Variants in OSER1 observed in about 807,000 individuals in gnomAD.
The protein encoded by OSER1 is oxidative stress-responsive serine-rich protein 1.
Under a neutral mutation model 26.3 loss-of-function variants are expected in OSER1, and 15 were observed. The observed-to-expected ratio is 0.57, with a 90% confidence interval of 0.38 to 0.88. OSER1 has a LOEUF of 0.88. Among genes scored for constraint, OSER1 ranks in the 40% least tolerant of loss-of-function variants. The pLI is 0.00. For synonymous variants in OSER1, 127 were observed against 128.2 expected, an observed-to-expected ratio of 0.99 and a Z score of 0.07; for missense variants, 313 against 353.9, an observed-to-expected ratio of 0.88 and a Z score of 0.93.
At position 44,196,876 on chromosome 20, in the gene OSER1, AAG is replaced by A; in HGVS notation, c.*174_*175del. The A allele has an allele frequency of 3.4e-6, 2 of 581,810 alleles. No homozygotes were observed. Among genetic ancestry groups the A allele is most frequent in the South Asian group, 2.1e-5 (1 of 46,768 alleles). 36.0% of individuals were successfully genotyped at this position (581,810 alleles called of 1,614,324 possible). ...CGCCTTGAAGTGTATGTAAGAACTC[AAG>A]AGAGTAAGTTGAAAGAATGAAGATT... On this transcript the variant is annotated 3_prime_UTR_variant, in exon 4 of 4. Coordinates refer to ENST00000255174, the MANE Select transcript of OSER1 (RefSeq NM_016470.8).
Position 44,197,019 on chromosome 20 carries a change from T to A in OSER1, c.*33A>T. The A allele has an allele frequency of 6.8e-7, 1 of 1,462,972 alleles. No individual in the cohort carries two copies. The highest frequency in any genetic ancestry group is 9.5e-7 in the Non-Finnish European group (1 of 1,048,962). The allele number at this position is 1,462,972 out of a possible 1,614,324, so 90.6% of individuals were successfully genotyped here. A position where few individuals can be genotyped will look rare whatever the true frequency, so the allele number is the denominator to read the frequency against. On this transcript the variant is annotated 3_prime_UTR_variant, in exon 4 of 4. Coordinates refer to ENST00000255174, the MANE Select transcript of OSER1 (RefSeq NM_016470.8). ...ACTAAATCTCTTTGACAAGCCTTCA[T>A]TGGTTTAAAGCATATGAATTAGCTT...
intron 3 of OSER1, among the ~76,000 whole-genome samples, chr20:44,202,655 G>A (rs2072995083): frequency 6.6e-6 from 1 of 152,006 alleles, no homozygotes; most frequent in East Asian, 1.9e-4. Flanking sequence ...AAGTCAAGTT[G>A]ACCAAAAAAT....
upstream of OSER1, among the ~76,000 whole-genome samples, chr20:44,211,622 T>G (rs893807443): frequency 2.6e-5 from 4 of 152,174 alleles, no homozygotes; most frequent in African/African-American, 7.2e-5. Flanking sequence ...GCAAAAAGAT[T>G]TAGGCAGTTC....
At chr20:44,207,604 GTAAT>G (rs1239450193) in intron 1 of OSER1, 1 of 152,106 alleles carries the variant, frequency 6.6e-6, no homozygotes, top group Non-Finnish European at 1.5e-5. Context: ...CTGGAATAGT[GTAAT>G]TAATTGTTAA....
At chr20:44,202,480 A>G (rs1406388589) in intron 3 of OSER1, among the ~76,000 whole-genome samples, 8 of 152,244 alleles carry the variant, frequency 5.3e-5, no homozygotes, top group African/African-American at 1.9e-4. Context: ...ATGTCACTAC[A>G]TAATAAAAGT....
At chr20:44,204,061 G>A (rs2073015237) in intron 2 of OSER1, among the ~76,000 whole-genome samples, 1 of 152,132 alleles carries the variant, frequency 6.6e-6, no homozygotes, top group Non-Finnish European at 1.5e-5. Context: ...TGAACCAGTG[G>A]TCTAGATGTT....
In OSER1 at chr20:44,196,116, C is replaced by G. The variant is rs113220625; in HGVS notation, c.*936G>C. ...CAAGGATTCATCATCCAGCTGAAAC[C>G]GAAGACAGATTTTTTTTTTACCAAA... On this transcript the variant is annotated 3_prime_UTR_variant, in exon 4 of 4. Transcript: ENST00000255174. Among the ~76,000 whole-genome samples the G allele has an allele frequency of 9.2e-3, 1,406 of 152,024 alleles. 19 individuals carry two copies. The highest frequency in any genetic ancestry group is 0.033 in the African/African-American group (1,351 of 41,444).
intron 3 of OSER1, among the ~76,000 whole-genome samples, chr20:44,198,610 C>G (rs2072948363): frequency 6.7e-6 from 1 of 150,302 alleles, no homozygotes. Context: ...CAGAGCGAGA[C>G]TCCGTCTCAA....
In OSER1 at chr20:44,196,306, AAAAAAACC is replaced by A. The variant is rs1353495093; in HGVS notation, c.*738_*745del. 2.1e-5 allele frequency among the ~76,000 whole-genome samples: 3 copies of A among 140,146 alleles called. No individual in the cohort carries two copies. Among genetic ancestry groups the A allele is most frequent in the African/African-American group, 9.2e-5 (3 of 32,544 alleles). 91.9% of individuals were successfully genotyped at this position (140,146 alleles called of 152,430 possible). On this transcript the variant is annotated 3_prime_UTR_variant, in exon 4 of 4. Coordinates refer to ENST00000255174, the MANE Select transcript of OSER1 (RefSeq NM_016470.8). The stretch of plus-strand genomic sequence containing the variant: ...TTACAACTGATAACAAAAAAAAAAA[AAAAAAACC>A]GCCATATATTTAAAATGCTGGAGAT...
At chr20:44,205,182 C>T (rs1413340152) in intron 2 of OSER1, among the ~76,000 whole-genome samples, 4 of 152,122 alleles carry the variant, frequency 2.6e-5, no homozygotes, top group Admixed American at 1.3e-4. Flanking sequence ...GAAAGAAGTC[C>T]GTGTATCAAG....
chr20:44,196,584 A>G lies in OSER1; in HGVS notation c.*468T>C. The G allele has an allele frequency of 6.3e-6, 1 of 159,232 alleles. No individual in the cohort carries two copies. Among genetic ancestry groups the G allele is most frequent in the Admixed American group, 5.9e-5 (1 of 16,916 alleles). 9.9% of individuals were successfully genotyped at this position (159,232 alleles called of 1,614,324 possible). On this transcript the variant is annotated 3_prime_UTR_variant, in exon 4 of 4. Coordinates refer to ENST00000255174, the MANE Select transcript of OSER1 (RefSeq NM_016470.8). Reference sequence around the variant, plus strand: ...AACAAGAGAAACCTTTATAGACACAATATATCTTGCATTAAATCAGAGACG... The same window carrying G: ...AACAAGAGAAACCTTTATAGACACAGTATATCTTGCATTAAATCAGAGACG...
intron 2 of OSER1, among the ~76,000 whole-genome samples, chr20:44,203,730 A>ACACACACC (rs1345326374): frequency 2.2e-4 from 33 of 147,350 alleles, no homozygotes; most frequent in African/African-American, 7.8e-4. Flanking sequence ...ACACACACAC[A>ACACACACC]CCCCTCCTAC....
intron 1 of OSER1, 39 bp from the exon 2 acceptor site, chr20:44,207,037 G>T: frequency 1.0e-6 from 1 of 989,294 alleles, no homozygotes; most frequent in Non-Finnish European, 1.6e-6. Flanking sequence ...AAAAACAGGT[G>T]GGATCAAAAG....
intron 1 of OSER1, among the ~76,000 whole-genome samples, chr20:44,208,213 C>G (rs994472998): frequency 1.4e-5 from 2 of 145,362 alleles, no homozygotes. Flanking sequence ...CTCAAGGTGG[C>G]TCCGAAGTTA....
rs189132713 is a variant in OSER1, at chr20:44,208,775, T to C, written c.-41-1777A>G. Among the ~76,000 whole-genome samples, 590 of 152,350 alleles carry C rather than the reference T, an allele frequency of 3.9e-3. 2 individuals are homozygous for C. The highest frequency in any genetic ancestry group is 6.0e-3 in the Non-Finnish European group (411 of 68,034). On this transcript the variant is annotated intron_variant, in intron 1 of 3. Transcript: ENST00000255174. ...CTTACAATGTTCCTCAATTACCTTATGATCCGTTAGTCAATGTTCAGCTCT... is the reference window on the plus strand; with the variant it reads ...CTTACAATGTTCCTCAATTACCTTACGATCCGTTAGTCAATGTTCAGCTCT...
chr20:44,205,493 T>C (rs752085529), intron 2 of OSER1, among the ~76,000 whole-genome samples: 18 of 152,220 alleles, frequency 1.2e-4, no homozygotes, highest in Non-Finnish European at 2.5e-4. Flanking sequence ...TGCAAATCTA[T>C]CAGCATAAAT....
rs2232285 is a variant in OSER1 at position 44,207,161 on chromosome 20, A to G, written c.-41-163T>C. On this transcript the variant is annotated intron_variant, in intron 1 of 3. Transcript: ENST00000255174. Reference sequence around the variant, plus strand: ...TTTATTTCTTAAAGGGAAACAAATGAAATGATACCAAAAATGGATATGTAC... The same window carrying G: ...TTTATTTCTTAAAGGGAAACAAATGGAATGATACCAAAAATGGATATGTAC... 1,723 of 477,868 alleles carry G rather than the reference A, an allele frequency of 3.6e-3. 31 individuals are homozygous for G. The highest frequency in any genetic ancestry group is 0.027 in the African/African-American group (1,378 of 51,784). 29.6% of individuals were successfully genotyped at this position (477,868 alleles called of 1,614,324 possible). A position where few individuals can be genotyped will look rare whatever the true frequency, so the allele number is the denominator to read the frequency against.
chr20:44,210,450 G>A (rs2073091266), intron 1 of OSER1, among the ~76,000 whole-genome samples: 1 of 152,252 alleles, frequency 6.6e-6, no homozygotes, highest in Non-Finnish European at 1.5e-5. Context: ...GAGCGAGACG[G>A]GGCGGGGGAC....
At chr20:44,210,529 GGCAGATAA>G (rs1308133354) in intron 1 of OSER1, among the ~76,000 whole-genome samples, 159 bp downstream of exon 1, 2 of 152,206 alleles carry the variant, frequency 1.3e-5, no homozygotes, top group Non-Finnish European at 2.9e-5. Flanking sequence ...CACAGGCCGC[GGCAGATAA>G]GGGGGCGCGG....
Sources: gnomAD v4.1 joint callset for allele counts (sites outside exome capture counted in the v4.1 genomes callset) on GRCh38, gnomAD v4.1.1 for gene constraint, MANE v1.5 for transcripts, NCBI Gene and HGNC (gene_info 2026-07-23, HGNC 2026-07-21) for gene names.